DNAJC9: variants seen among roughly 807,000 people sequenced by gnomAD.
The protein encoded by DNAJC9 is dnaJ homolog subfamily C member 9.
A neutral mutation model predicts 32.4 loss-of-function variants in DNAJC9; 18 were observed. That is an observed-to-expected ratio of 0.56 (90% confidence interval 0.38 to 0.82). The LOEUF is 0.82. Ranked by LOEUF, DNAJC9 falls within the 40% of genes least tolerant of loss-of-function variation. The pLI is 0.00. For synonymous variants in DNAJC9, 113 were observed against 122.1 expected, an observed-to-expected ratio of 0.93 and a Z score of 0.49; for missense variants, 310 against 321.8, an observed-to-expected ratio of 0.96 and a Z score of 0.28.
chr10:73,234,696 G>A (rs2043782437), downstream of DNAJC9: 4 of 1,043,898 alleles, frequency 3.8e-6, no homozygotes, highest in Middle Eastern at 4.2e-4. Context: ...AACATAGGTA[G>A]CCTAAAGCTT....
chr10:73,236,910 C>T (rs1216967691), downstream of DNAJC9, among the ~76,000 whole-genome samples: 1 of 151,052 alleles, frequency 6.6e-6, no homozygotes, highest in Non-Finnish European at 1.5e-5. Flanking sequence ...GATAGGGTGT[C>T]ACTATGTTGG....
chr10:73,241,194 G>A, downstream of DNAJC9: 1 of 581,764 alleles, frequency 1.7e-6, no homozygotes, highest in Non-Finnish European at 3.1e-6. Flanking sequence ...AAAATGACAT[G>A]AGTGTTGTTT....
chr10:73,243,869 C>T lies in DNAJC9; in HGVS notation c.637G>A (p.Val213Met), dbSNP rs146921292. 1.4e-4 allele frequency: 225 copies of T among 1,613,992 alleles called. No homozygotes were observed. Among genetic ancestry groups the T allele is most frequent in the Non-Finnish European group, 1.7e-4 (203 of 1,180,020 alleles). ...TGAATGGCTGCCTTCAGGCTATCCACGCCTTCATCAAGCCCCAACTCCTTT... is the reference window on the plus strand; with the variant it reads ...TGAATGGCTGCCTTCAGGCTATCCATGCCTTCATCAAGCCCCAACTCCTTT... The part of the protein sequence containing the change: ...SRKELGLDEG[V>M]DSLKAAIQSR... The change falls in exon 4 of 5, where the codon GTG becomes ATG. Residue 213 changes from valine (V) to methionine (M), a missense_variant. By Grantham distance (21) the Val-to-Met change is conservative. Coordinates refer to ENST00000372950, the MANE Select transcript of DNAJC9 (RefSeq NM_015190.5).
downstream of DNAJC9, chr10:73,239,243 G>A (rs918702493): frequency 7.4e-7 from 1 of 1,346,068 alleles, no homozygotes; most frequent in African/African-American, 1.5e-5. Context: ...GTGTTCCTGT[G>A]AACCTGCTAA....
downstream of DNAJC9, chr10:73,234,925 G>C (rs2043788608): frequency 1.9e-6 from 3 of 1,551,866 alleles, no homozygotes; most frequent in Non-Finnish European, 2.6e-6. Flanking sequence ...GCACTGTGGG[G>C]CCACAAAGAC....
Position 73,247,195 on chromosome 10 carries a change from G to A in DNAJC9, c.-6C>T, listed in dbSNP as rs1216758801. 6.3e-7 allele frequency: 1 copy of A among 1,586,664 alleles called. No homozygotes were observed. The highest frequency in any genetic ancestry group is 1.1e-5 in the South Asian group (1 of 87,576). Reference sequence around the variant, plus strand: ...CAAAGGTCCAGCAGCCCCATGCCGGGCGGAGATACGACCCCGGAGGAAGCA... The same window carrying A: ...CAAAGGTCCAGCAGCCCCATGCCGGACGGAGATACGACCCCGGAGGAAGCA... On this transcript the variant is annotated 5_prime_UTR_variant, in exon 1 of 5. Transcript: ENST00000372950.
downstream of DNAJC9, chr10:73,240,818 T>C (rs1409878312): frequency 8.1e-6 from 5 of 613,528 alleles, no homozygotes; most frequent in Admixed American, 1.1e-4. Flanking sequence ...TCTACAAAAC[T>C]AGTTTACTGC....
intron 2 of DNAJC9, chr10:73,233,256 C>G (rs767713981): frequency 2.2e-6 from 2 of 901,222 alleles, no homozygotes; most frequent in Non-Finnish European, 3.5e-6. Context: ...AAATCTATGC[C>G]TAGAAACTAA....
In DNAJC9 at chr10:73,232,937, A is replaced by G. The variant is rs1156661406; in HGVS notation, n.147+10906T>C. 1.2e-5 allele frequency: 19 copies of G among 1,530,650 alleles called. No individual in the cohort carries two copies. The highest frequency in any genetic ancestry group is 1.5e-5 in the Non-Finnish European group (17 of 1,127,568). The allele number at this position is 1,530,650 out of a possible 1,614,324, so 94.8% of individuals were successfully genotyped here. Reference sequence around the variant, plus strand: ...ATTGTGGGTTTCTGATTTGGCTACTAGAGATCTTGATGACAAGCTACTTAT... The same window carrying G: ...ATTGTGGGTTTCTGATTTGGCTACTGGAGATCTTGATGACAAGCTACTTAT... On this transcript the variant is annotated intron_variant and non_coding_transcript_variant, in intron 2 of 2. Coordinates refer to the DNAJC9 transcript ENST00000469143.
chr10:73,243,657 A>C, intron 4 of DNAJC9, 138 bp from the exon 5 acceptor site: 1 of 1,220,908 alleles, frequency 8.2e-7, no homozygotes, highest in Non-Finnish European at 1.1e-6. Context: ...ATGTCCTACA[A>C]TTGGTGTTAA....
chr10:73,239,187 T>G, downstream of DNAJC9: 2 of 719,198 alleles, frequency 2.8e-6, no homozygotes, highest in Non-Finnish European at 4.6e-6. Context: ...AGCTGACTTT[T>G]CCCTCAAGTT....
At chr10:73,237,456 G>A (rs1193380053), downstream of DNAJC9, among the ~76,000 whole-genome samples, 1 of 150,896 alleles carries the variant, frequency 6.6e-6, no homozygotes, top group Admixed American at 6.6e-5. Flanking sequence ...TTACTCTGTC[G>A]CCCAGGCTAG....
rs1191885498 is a variant in DNAJC9 at position 73,242,886 on chromosome 10, T to C, written c.*514A>G. Reference sequence around the variant, plus strand: ...ACACCTCTTACAAAAATGCTTGAAGTAATTTAACACCTGTACATCAGTACA... The same window carrying C: ...ACACCTCTTACAAAAATGCTTGAAGCAATTTAACACCTGTACATCAGTACA... On this transcript the variant is annotated 3_prime_UTR_variant, in exon 5 of 5. Transcript: ENST00000372950. 1.3e-5 allele frequency: 2 copies of C among 152,782 alleles called. No homozygotes were observed. The highest frequency in any genetic ancestry group is 4.8e-5 in the African/African-American group (2 of 41,438). 9.5% of individuals were successfully genotyped at this position (152,782 alleles called of 1,614,324 possible). A position where few individuals can be genotyped will look rare whatever the true frequency, so the allele number is the denominator to read the frequency against.
chr10:73,243,617 T>C, intron 4 of DNAJC9, 98 bp from the exon 5 acceptor site: 12 of 1,478,554 alleles, frequency 8.1e-6, no homozygotes, highest in Non-Finnish European at 1.1e-5. Flanking sequence ...TAACTACTAA[T>C]GGGTATGGAG....
At chr10:73,238,824 C>T (rs1032599516), downstream of DNAJC9, 1 of 152,454 alleles carries the variant, frequency 6.6e-6, no homozygotes, top group Non-Finnish European at 1.5e-5. Flanking sequence ...CGTATCTCTA[C>T]ATTTTTTAAT....
downstream of DNAJC9, among the ~76,000 whole-genome samples, chr10:73,240,537 C>G (rs550405452): frequency 6.6e-6 from 1 of 151,938 alleles, no homozygotes; most frequent in Non-Finnish European, 1.5e-5. Flanking sequence ...ATGGTGAAAC[C>G]CCATCTCTAC....
downstream of DNAJC9, chr10:73,239,452 T>G: frequency 8.8e-7 from 1 of 1,130,396 alleles, no homozygotes; most frequent in Non-Finnish European, 1.3e-6. Flanking sequence ...TTTGTCTTTT[T>G]TCCTACACCT....
chr10:73,237,258 C>G (rs1291774699), downstream of DNAJC9, among the ~76,000 whole-genome samples: 2 of 152,120 alleles, frequency 1.3e-5, no homozygotes, highest in Non-Finnish European at 2.9e-5. Context: ...GAGAAACTCA[C>G]CAAAAACAAG....
downstream of DNAJC9, chr10:73,235,582 T>A: frequency 1.7e-6 from 1 of 575,878 alleles, no homozygotes; most frequent in Non-Finnish European, 2.7e-6. Context: ...GCAAGAATAT[T>A]AAATCCCAGT....
Sources: gnomAD v4.1 joint callset for allele counts (sites outside exome capture counted in the v4.1 genomes callset) on GRCh38, gnomAD v4.1.1 for gene constraint, MANE v1.5 for transcripts, NCBI Gene and HGNC (gene_info 2026-07-23, HGNC 2026-07-21) for gene names.